The following UBE4A variants were observed in gnomAD, a reference collection of about 807,000 sequenced individuals.
The protein encoded by UBE4A is ubiquitin conjugation factor E4 A.
A neutral mutation model predicts 117.9 loss-of-function variants in UBE4A; 48 were observed. That is an observed-to-expected ratio of 0.41 (90% CI 0.32 to 0.52). The LOEUF is 0.52. Among genes scored for constraint, UBE4A ranks in the 20% least tolerant of loss-of-function variants. The pLI, the probability that UBE4A is intolerant of heterozygous loss-of-function variation, is 0.33. For synonymous variants in UBE4A, 407 were observed against 450.0 expected (o/e 0.90, Z 1.21); for missense variants, 1,067 against 1,296.3 (o/e 0.82, Z 2.72).
chr11:118,373,591 A>G lies in UBE4A; in HGVS notation c.1022A>G (p.Lys341Arg). 1 of 1,614,224 alleles carries G rather than the reference A, an allele frequency of 6.2e-7. No homozygotes were observed. The highest frequency in any genetic ancestry group is 1.1e-5 in the South Asian group (1 of 91,088). Residue 341 changes from lysine (K) to arginine (R), a missense_variant, in exon 8 of 20, where the codon AAG becomes AGG. Lys to Arg is a conservative substitution (Grantham distance 26). Around this residue, in one of 3 missense-constraint regions of UBE4A, gnomAD observed 1,001 missense variants for 1,184.0 expected, o/e 0.85. Transcript: ENST00000252108. Reference sequence around the variant, plus strand: ...ATTCTGAGTATCTCCTGCTTATTAAAGACTCCGGGTGTTGTAGAAAATCAT... The same window carrying G: ...ATTCTGAGTATCTCCTGCTTATTAAGGACTCCGGGTGTTGTAGAAAATCAT... ...GVILSISCLL[K>R]TPGVVENHGY...
chr11:118,366,867 G>A (rs189814921), intron 2 of UBE4A, among the ~76,000 whole-genome samples: 4 of 152,128 alleles, frequency 2.6e-5, no homozygotes, highest in Admixed American at 6.5e-5. Context: ...TCAGGAGTTC[G>A]AGACCAGCCT....
intron 1 of UBE4A, among the ~76,000 whole-genome samples, chr11:118,364,718 T>C (rs1182163952): frequency 6.6e-6 from 1 of 152,130 alleles, no homozygotes; most frequent in Non-Finnish European, 1.5e-5. Context: ...GTTCTCTCTT[T>C]GACTTCAATA....
At chr11:118,370,863 A>G (rs1356244299) in intron 4 of UBE4A, among the ~76,000 whole-genome samples, 8 of 152,168 alleles carry the variant, frequency 5.3e-5, no homozygotes, top group African/African-American at 1.9e-4. Flanking sequence ...GAATTTGTCC[A>G]TTCCTATGAG....
intron 19 of UBE4A, among the ~76,000 whole-genome samples, chr11:118,393,904 C>A (rs937883532): frequency 1.1e-4 from 16 of 151,834 alleles, no homozygotes; most frequent in African/African-American, 3.9e-4. Flanking sequence ...CCTGCTTTTT[C>A]TAATTCAGGT....
intron 8 of UBE4A, among the ~76,000 whole-genome samples, chr11:118,374,290 G>T (rs1350549773): frequency 2.0e-5 from 3 of 152,068 alleles, no homozygotes; most frequent in Non-Finnish European, 4.4e-5. Context: ...CTGAACTCTA[G>T]CTTATAAACC....
At chr11:118,383,501 G>A (rs550076564) in intron 13 of UBE4A, among the ~76,000 whole-genome samples, 2 of 147,154 alleles carry the variant, frequency 1.4e-5, no homozygotes, top group South Asian at 2.2e-4. Flanking sequence ...GCAGAGGCAC[G>A]AGAATTGCTT....
chr11:118,375,333 G>T (rs60514290), intron 9 of UBE4A, 104 bp downstream of exon 9: 3 of 1,177,360 alleles, frequency 2.5e-6, no homozygotes, highest in South Asian at 4.2e-5. Flanking sequence ...CTCAAAAAAA[G>T]ATGAGGCAGA....
At chr11:118,365,768 T>A (rs533483531) in intron 2 of UBE4A, among the ~76,000 whole-genome samples, 160 of 152,324 alleles carry the variant, frequency 1.1e-3, no homozygotes, top group African/African-American at 2.6e-3. Context: ...CAGACTTTTT[T>A]AAAAAATCTG....
intron 4 of UBE4A, 130 bp downstream of exon 4, chr11:118,369,665 T>TTAC: frequency 1.7e-6 from 1 of 603,862 alleles, no homozygotes; most frequent in Non-Finnish European, 2.8e-6. Flanking sequence ...TTTTTTTTTT[T>TTAC]ACCAGTAGAA....
rs182842501 is a variant in UBE4A at position 118,399,167 on chromosome 11, G to C, written c.*2727G>C. ...CTTCTTGTCAAACTTGCCTGGCAGT[G>C]TTTGTTCAAAACTTGTATTTAATAA... is the stretch of plus-strand genomic sequence containing the variant. On this transcript the variant is annotated 3_prime_UTR_variant, in exon 20 of 20. Transcript: ENST00000252108. 5 of 411,116 alleles carry C rather than the reference G, an allele frequency of 1.2e-5. No individual in the cohort carries two copies. In the East Asian group the frequency reaches 3.8e-4, roughly 31 times the overall value. The allele number at this position is 411,116 out of a possible 1,614,324, so 25.5% of individuals were successfully genotyped here.
chr11:118,375,505 A>G (rs1948644730), intron 9 of UBE4A, among the ~76,000 whole-genome samples: 1 of 152,006 alleles, frequency 6.6e-6, no homozygotes, highest in Non-Finnish European at 1.5e-5. Context: ...GACTACAGGC[A>G]CGCGCCACCA....
In UBE4A at chr11:118,398,671, T is replaced by C. The variant is rs1389365551; in HGVS notation, c.*2231T>C. Reference sequence around the variant, plus strand: ...ACATACCTAGTTTTGTGTATTGGCTTTGCTGGAGTATGATAGCAAAATGAA... The same window carrying C: ...ACATACCTAGTTTTGTGTATTGGCTCTGCTGGAGTATGATAGCAAAATGAA... On this transcript the variant is annotated 3_prime_UTR_variant, in exon 20 of 20. Coordinates refer to ENST00000252108, the MANE Select transcript of UBE4A (RefSeq NM_001204077.2). 2.6e-5 allele frequency: 4 copies of C among 153,844 alleles called. No individual in the cohort carries two copies. Among genetic ancestry groups the C allele is most frequent in the Admixed American group, 2.6e-4 (4 of 15,472 alleles). 9.5% of individuals were successfully genotyped at this position (153,844 alleles called of 1,614,324 possible).
chr11:118,361,692 C>G (rs1173120988), intron 1 of UBE4A, among the ~76,000 whole-genome samples: 1 of 152,178 alleles, frequency 6.6e-6, no homozygotes, highest in Non-Finnish European at 1.5e-5. Flanking sequence ...TCTACACATG[C>G]CAAGATACCA....
intron 9 of UBE4A, among the ~76,000 whole-genome samples, chr11:118,375,490 G>T (rs1555125248): frequency 6.6e-5 from 10 of 152,222 alleles, no homozygotes. Context: ...CTCCCGAGTA[G>T]CTGGGACTAC....
In UBE4A at chr11:118,386,436, A is replaced by G; in HGVS notation, c.2413-2A>G. ...GATATATCCCATCTCTGGTTTCTGC[A>G]GTATTTGAGCAAGATAAAGATTCAG... On this transcript the variant is annotated splice_acceptor_variant, in intron 15 of 19. Coordinates refer to ENST00000252108, the MANE Select transcript of UBE4A (RefSeq NM_001204077.2). LOFTEE classifies it high-confidence loss of function. 1 of 1,602,678 alleles carries G rather than the reference A, an allele frequency of 6.2e-7. No individual in the cohort carries two copies. Among genetic ancestry groups the G allele is most frequent in the South Asian group, 1.1e-5 (1 of 89,002 alleles).
At chr11:118,386,288 C>G in intron 15 of UBE4A, 150 bp from the exon 16 acceptor site, 1 of 841,566 alleles carries the variant, frequency 1.2e-6, no homozygotes, top group Non-Finnish European at 1.7e-6. Flanking sequence ...TGAGCTTCAG[C>G]CTTATGCTGA....
intron 3 of UBE4A, 152 bp downstream of exon 3, chr11:118,368,956 G>C (rs1948586916): frequency 1.3e-6 from 1 of 776,700 alleles, no homozygotes; most frequent in Non-Finnish European, 2.0e-6. Flanking sequence ...TGAACCTTTT[G>C]GTATGACCTA....
intron 13 of UBE4A, among the ~76,000 whole-genome samples, chr11:118,383,520 G>A (rs180864987): frequency 2.0e-5 from 3 of 149,000 alleles, no homozygotes; most frequent in East Asian, 4.1e-4. Flanking sequence ...TTGAATTCGG[G>A]AGGCAGAGGT....
At chr11:118,369,072 C>T (rs1197942857) in intron 3 of UBE4A, among the ~76,000 whole-genome samples, 1 of 152,170 alleles carries the variant, frequency 6.6e-6, no homozygotes, top group Non-Finnish European at 1.5e-5. Context: ...GGAAGGGTAG[C>T]CAAACCCATT....
Sources: gnomAD v4.1 joint callset for allele counts (sites outside exome capture counted in the v4.1 genomes callset) on GRCh38, gnomAD v4.1.1 for gene constraint, gnomAD v4.1.1 regional missense constraint, MANE v1.5 for transcripts, NCBI Gene and HGNC (gene_info 2026-07-23, HGNC 2026-07-21) for gene names.